The following GRM1 variants were observed in gnomAD, a reference collection of about 807,000 sequenced individuals.
GRM1 encodes the protein glutamate metabotropic receptor 1, also known as metabotropic glutamate receptor 1.
In GRM1, 33 loss-of-function variants were observed where a neutral mutation model predicts 90.9. The ratio of observed to expected loss-of-function variants is 0.36; its 90% CI spans 0.28 to 0.49. The LOEUF (loss-of-function observed/expected upper bound fraction) is 0.49. Among genes scored for constraint, GRM1 ranks in the 20% least tolerant of loss-of-function variants. GRM1 has a pLI of 0.99. For missense variants in GRM1, 1,190 were observed against 1,534.3 expected (o/e 0.78, Z 3.75); for synonymous variants, 700 against 613.2 (o/e 1.14, Z -2.09).
chr6:146,345,919 G>T (rs1020253197), intron 3 of GRM1, among the ~76,000 whole-genome samples: 8 of 152,206 alleles, frequency 5.3e-5, no homozygotes, highest in African/African-American at 1.9e-4. Flanking sequence ...GACCTGCAAA[G>T]ATTAGTTACT....
intron 1 of GRM1, among the ~76,000 whole-genome samples, chr6:146,031,228 AGTAGG>A (rs941369915): frequency 6.6e-6 from 1 of 152,168 alleles, no homozygotes; most frequent in Non-Finnish European, 1.5e-5. Flanking sequence ...TAAGTCCCCC[AGTAGG>A]TTTATGAAAA....
intron 2 of GRM1, among the ~76,000 whole-genome samples, chr6:146,183,710 C>T (rs568404109): frequency 3.9e-5 from 6 of 152,248 alleles, no homozygotes; most frequent in East Asian, 1.9e-4. Flanking sequence ...CTAGAACCTT[C>T]GTGTATAGGC....
chr6:146,431,322 T>A (rs1778396629), intron 7 of GRM1, among the ~76,000 whole-genome samples: 1 of 152,158 alleles, frequency 6.6e-6, no homozygotes, highest in African/African-American at 2.4e-5. Context: ...CAGAACTAAA[T>A]TCTGATTATA....
chr6:146,159,631 TCTCTCTCTCTCACA>T, intron 2 of GRM1, 34 bp downstream of exon 2: 3 of 1,473,808 alleles, frequency 2.0e-6, no homozygotes, highest in African/African-American at 3.4e-5. Flanking sequence ...TCTCTCTCTC[TCTCTCTCTCTCACA>T]CACACACATG....
chr6:146,288,372 G>A (rs1047610456), intron 2 of GRM1, among the ~76,000 whole-genome samples: 8 of 152,170 alleles, frequency 5.3e-5, no homozygotes, highest in Non-Finnish European at 8.8e-5. Context: ...CTAAACTGTG[G>A]AAAGCAAAAC....
intron 5 of GRM1, among the ~76,000 whole-genome samples, chr6:146,362,500 A>G (rs1337935686): frequency 6.6e-6 from 1 of 151,960 alleles, no homozygotes; most frequent in African/African-American, 2.4e-5. Flanking sequence ...TAACATGGTG[A>G]AACCCCATCT....
chr6:146,065,072 T>C (rs970803862), intron 1 of GRM1, among the ~76,000 whole-genome samples: 18 of 152,194 alleles, frequency 1.2e-4, no homozygotes, highest in African/African-American at 3.6e-4. Context: ...AAAAATATAA[T>C]CACTCCCTAA....
chr6:146,292,654 G>A (rs961001411), intron 2 of GRM1, among the ~76,000 whole-genome samples: 13 of 151,906 alleles, frequency 8.6e-5, no homozygotes, highest in Admixed American at 8.5e-4. Context: ...TGAAACCCTT[G>A]TACATTGCTG....
intron 5 of GRM1, among the ~76,000 whole-genome samples, chr6:146,374,747 G>A (rs981762544): frequency 3.3e-5 from 5 of 151,700 alleles, no homozygotes; most frequent in African/African-American, 1.2e-4. Context: ...TTATTTATTT[G>A]GATCTTCTCT....
In GRM1 at chr6:146,399,086, G is replaced by T; in HGVS notation, c.2047G>T (p.Ala683Ser). 1 of 1,614,018 alleles carries T rather than the reference G, an allele frequency of 6.2e-7. No individual in the cohort carries two copies. ...SALVTKTNRIARILAGSKKKI... is the reference protein window; with the variant it reads ...SALVTKTNRISRILAGSKKKI... ...TTTAGTGACTAAAACCAATCGTATT[G>T]CACGCATCCTGGCTGGCAGCAAGAA... Residue 683 changes from alanine to serine, a missense_variant, in exon 7 of 8, where the codon GCA becomes TCA. By Grantham distance (99) the Ala-to-Ser change is moderately conservative. Coordinates refer to ENST00000282753, the MANE Select transcript of GRM1 (RefSeq NM_001278064.2). The surrounding 1 kb of genome is among the most constrained non-coding windows in gnomAD (Gnocchi z 5.4).
intron 1 of GRM1, among the ~76,000 whole-genome samples, chr6:146,049,779 A>C (rs762453901): frequency 4.6e-5 from 7 of 151,832 alleles, no homozygotes; most frequent in African/African-American, 7.3e-5. Context: ...CAACGATGGC[A>C]GTACCATGGA....
At chr6:146,204,445 A>C (rs1779425991) in intron 2 of GRM1, among the ~76,000 whole-genome samples, 1 of 152,164 alleles carries the variant, frequency 6.6e-6, no homozygotes, top group African/African-American at 2.4e-5. Context: ...GACCCATTTA[A>C]CTGTGCTTAA....
chr6:146,060,304 A>C (rs1775619388), intron 1 of GRM1, among the ~76,000 whole-genome samples: 1 of 151,900 alleles, frequency 6.6e-6, no homozygotes, highest in Admixed American at 6.6e-5. Context: ...ATATAGGTAA[A>C]TGGCATGCTG....
intron 2 of GRM1, among the ~76,000 whole-genome samples, chr6:146,180,882 C>T (rs1464571684): frequency 6.6e-6 from 1 of 152,074 alleles, no homozygotes; most frequent in African/African-American, 2.4e-5. Context: ...AACTCACTTA[C>T]AGCAAATATT....
chr6:146,163,831 T>C (rs370879700), intron 2 of GRM1, among the ~76,000 whole-genome samples: 2 of 152,202 alleles, frequency 1.3e-5, no homozygotes, highest in East Asian at 3.8e-4. Flanking sequence ...TTGCATTCTT[T>C]TATTTCATGC....
intron 3 of GRM1, among the ~76,000 whole-genome samples, chr6:146,336,442 T>A (rs1353786600): frequency 6.6e-6 from 1 of 152,194 alleles, no homozygotes; most frequent in African/African-American, 2.4e-5. Context: ...GGGTCCAGGC[T>A]TTTGAACTCC....
chr6:146,196,346 G>A (rs1779119053), intron 2 of GRM1, among the ~76,000 whole-genome samples: 1 of 149,546 alleles, frequency 6.7e-6, no homozygotes. Flanking sequence ...GGACTGCAGT[G>A]GCACTATCTC....
At chr6:146,094,058 C>A (rs1776798852) in intron 1 of GRM1, among the ~76,000 whole-genome samples, 1 of 152,004 alleles carries the variant, frequency 6.6e-6, no homozygotes, top group Non-Finnish European at 1.5e-5. Context: ...ATAAAAACAA[C>A]CCCTAAGTAT....
At chr6:146,130,717 T>A (rs1167502734) in intron 1 of GRM1, among the ~76,000 whole-genome samples, 2 of 152,128 alleles carry the variant, frequency 1.3e-5, no homozygotes, top group African/African-American at 4.8e-5. Flanking sequence ...GACACCTAAT[T>A]TTTGAGAAAT....
Sources: gnomAD v4.1 joint callset for allele counts (sites outside exome capture counted in the v4.1 genomes callset) on GRCh38, gnomAD v4.1.1 for gene constraint, Gnocchi (gnomAD v3.1) non-coding constraint, MANE v1.5 for transcripts, NCBI Gene and HGNC (gene_info 2026-07-23, HGNC 2026-07-21) for gene names.